The following ALLC variants were observed in gnomAD, a reference collection of about 807,000 sequenced individuals.
ALLC encodes probable inactive allantoicase.
Under a neutral mutation model 45.0 loss-of-function variants are expected in ALLC, and 40 were observed. That is an observed-to-expected ratio of 0.89 (90% CI 0.69 to 1.16). ALLC has a LOEUF of 1.16. ALLC is among the 50% of genes most tolerant of loss of function. ALLC has a pLI of 0.00. For synonymous variants in ALLC, 176 were observed against 178.1 expected (o/e 0.99, Z 0.09); for missense variants, 488 against 493.1 (o/e 0.99, Z 0.10).
chr2:3,662,971 G>C (rs1268371148), intron 1 of ALLC, among the ~76,000 whole-genome samples: 1 of 152,214 alleles, frequency 6.6e-6, no homozygotes, highest in Non-Finnish European at 1.5e-5. Flanking sequence ...GTCAGAGGAA[G>C]ACATGAGTTC....
the ALLC span, among the ~76,000 whole-genome samples, chr2:3,651,443 T>TGTGTGTGTA: frequency 6.0e-5 from 1 of 16,790 alleles, no homozygotes; most frequent in Non-Finnish European, 1.6e-4. Context: ...GTGTGTGTGT[T>TGTGTGTGTA]AGGAAGGGAG....
chr2:3,662,344 C>T (rs1343313766), intron 1 of ALLC, among the ~76,000 whole-genome samples: 1 of 152,220 alleles, frequency 6.6e-6, no homozygotes, highest in African/African-American at 2.4e-5. Flanking sequence ...GCACACCCTG[C>T]TCACCCAGGG....
the ALLC span, among the ~76,000 whole-genome samples, chr2:3,647,236 TCC>T: frequency 1.3e-5 from 2 of 152,246 alleles, no homozygotes; most frequent in South Asian, 4.1e-4. Context: ...GCAAAAATCC[TCC>T]TTTACTTCAG....
intron 7 of ALLC, chr2:3,688,501 TTGGCCAGAAGGGCTAAG>T (rs1312820369): frequency 5.1e-6 from 1 of 196,670 alleles, no homozygotes; most frequent in East Asian, 1.7e-4. Flanking sequence ...ATGGATGACC[TTGGCCAGAAGGGCTAAG>T]TAGTAGGTGG....
intron 3 of ALLC, among the ~76,000 whole-genome samples, chr2:3,674,989 A>G (rs13409381): frequency 0.23 from 34,626 of 152,116 alleles, 4,194 homozygotes; most frequent in African/African-American, 0.3. Context: ...GGTAGAAAAC[A>G]TTCATTCTGG....
chr2:3,657,274 C>T (rs887134357), upstream of ALLC, among the ~76,000 whole-genome samples: 1 of 152,144 alleles, frequency 6.6e-6, no homozygotes, highest in Non-Finnish European at 1.5e-5. Context: ...GGCCTTGAGC[C>T]GGCCTTTCAA....
chr2:3,649,758 G>C, the ALLC span, among the ~76,000 whole-genome samples: 2 of 152,214 alleles, frequency 1.3e-5, no homozygotes, highest in African/African-American at 4.8e-5. Flanking sequence ...CACAGGGACC[G>C]GGCAGACACA....
At chr2:3,652,156 A>G in the ALLC span, among the ~76,000 whole-genome samples, 2 of 152,248 alleles carry the variant, frequency 1.3e-5, no homozygotes, top group African/African-American at 4.8e-5. Flanking sequence ...AACAAAGCCC[A>G]TGGATTGTGC....
chr2:3,694,865 T>A (rs1445731660), intron 7 of ALLC: 2 of 152,268 alleles, frequency 1.3e-5, no homozygotes, highest in African/African-American at 4.8e-5. Flanking sequence ...GTTTCCACCT[T>A]CTAGCAATTA....
chr2:3,678,055 C>CGTCCA (rs1175170094), intron 3 of ALLC, among the ~76,000 whole-genome samples: 1 of 152,170 alleles, frequency 6.6e-6, no homozygotes, highest in Non-Finnish European at 1.5e-5. Context: ...GGACCCTGAG[C>CGTCCA]GTCCAGCCTA....
chr2:3,674,101 T>G lies in ALLC; in HGVS notation c.60T>G (p.Phe20Leu). 6.4e-7 allele frequency: 1 copy of G among 1,561,986 alleles called. No individual in the cohort carries two copies. Among genetic ancestry groups the G allele is most frequent in the Middle Eastern group, 1.9e-4 (1 of 5,276 alleles). ...GKILFATDDF[F>L]APAENLIKSD... ...TTTTATTTGCAACAGATGACTTTTT[T>G]GCTCCTGCAGAAAACCTCATAAAGG... Residue 20 changes from phenylalanine (F) to leucine (L), a missense_variant, in exon 3 of 12, where the codon TTT (phenylalanine) becomes TTG (leucine). Coordinates refer to ENST00000252505, the MANE Select transcript of ALLC (RefSeq NM_018436.4).
chr2:3,653,781 A>G (rs1160928899), upstream of ALLC, among the ~76,000 whole-genome samples: 1 of 152,070 alleles, frequency 6.6e-6, no homozygotes, highest in African/African-American at 2.4e-5. The surrounding 1 kb of genome is among the most constrained non-coding windows in gnomAD (Gnocchi z 4.1). Context: ...GTGAGGGCCA[A>G]GCCTATTCCA....
rs867086985 is a variant in ALLC, at chr2:3,690,261, T to C, written c.512-5456T>C. On this transcript the variant is annotated intron_variant, in intron 7 of 11. Coordinates refer to ENST00000252505, the MANE Select transcript of ALLC (RefSeq NM_018436.4). ...CTGATCCCCTCCCCTTCCCTTCCCTTCCCTCCCCCCTCCCCTCCCCCTCCC... is the reference window on the plus strand; with the variant it reads ...CTGATCCCCTCCCCTTCCCTTCCCTCCCCTCCCCCCTCCCCTCCCCCTCCC... 6.0e-3 allele frequency among the ~76,000 whole-genome samples: 35 copies of C among 5,848 alleles called. 3 individuals are homozygous for C. The highest frequency in any genetic ancestry group is 0.029 in the African/African-American group (29 of 1,002). 3.8% of individuals were successfully genotyped at this position (5,848 alleles called of 152,430 possible).
chr2:3,675,334 G>A (rs1666994548), intron 3 of ALLC, among the ~76,000 whole-genome samples: 1 of 150,320 alleles, frequency 6.7e-6, no homozygotes, highest in South Asian at 2.1e-4. Flanking sequence ...AGGTTGCAGT[G>A]AGCCATCATC....
At chr2:3,672,454 G>T (rs1666907978) in intron 2 of ALLC, among the ~76,000 whole-genome samples, 2 of 138,162 alleles carry the variant, frequency 1.4e-5, no homozygotes, top group Non-Finnish European at 3.2e-5. Flanking sequence ...TCTGGCTCTG[G>T]TTAGATCGGA....
intron 1 of ALLC, among the ~76,000 whole-genome samples, chr2:3,665,005 C>T (rs772113209): frequency 1.3e-3 from 198 of 151,972 alleles, no homozygotes; most frequent in Non-Finnish European, 1.5e-3. Context: ...CCACAAATGG[C>T]ACCTCAAATA....
chr2:3,656,440 C>T (rs1282231874), upstream of ALLC, among the ~76,000 whole-genome samples: 1 of 152,214 alleles, frequency 6.6e-6, no homozygotes, highest in Non-Finnish European at 1.5e-5. Context: ...CTGTGCAGCC[C>T]AGCCTGTCGC....
chr2:3,688,495 A>G, intron 7 of ALLC: 1 of 195,852 alleles, frequency 5.1e-6, no homozygotes. Flanking sequence ...GTTGTCATGG[A>G]TGACCTTGGC....
At chr2:3,681,365 G>A (rs1435686283) in intron 5 of ALLC, among the ~76,000 whole-genome samples, 1 of 152,146 alleles carries the variant, frequency 6.6e-6, no homozygotes, top group Non-Finnish European at 1.5e-5. Context: ...TGATAAACTT[G>A]TTGAAGTTTG....
Sources: allele counts gnomAD v4.1 joint callset (sites outside exome capture counted in the v4.1 genomes callset), GRCh38; gene constraint gnomAD v4.1.1; non-coding constraint Gnocchi (gnomAD v3.1); transcripts MANE v1.5; gene names NCBI Gene and HGNC (gene_info 2026-07-23, HGNC 2026-07-21).